The following TMEM94 variants were observed in gnomAD, a reference collection of about 807,000 sequenced individuals.
TMEM94 encodes the protein transmembrane protein 94.
A neutral mutation model predicts 158.6 loss-of-function variants in TMEM94; 81 were observed. The ratio of observed to expected loss-of-function variants is 0.51; its 90% CI spans 0.43 to 0.61. The LOEUF is 0.61. Ranked by LOEUF, TMEM94 falls within the 20% of genes least tolerant of loss-of-function variation. The pLI, the probability that TMEM94 is intolerant of heterozygous loss-of-function variation, is 0.00. For synonymous variants in TMEM94, 751 were observed against 730.7 expected, an observed-to-expected ratio of 1.03 and a Z score of -0.45; for missense variants, 1,435 against 1,762.0, an observed-to-expected ratio of 0.81 and a Z score of 3.32.
rs2052568015 is a variant in TMEM94 at position 75,495,198 on chromosome 17, G to A, written c.2729-86G>A. On this transcript the variant is annotated intron_variant, in intron 20 of 31. Coordinates refer to ENST00000314256, the MANE Select transcript of TMEM94 (RefSeq NM_014738.6). This position sits in a 1 kb window ranked among gnomAD's most constrained non-coding sequence, Gnocchi z 5.6. ...AAACAGTAGTCAGCAGGAAGGAGTG[G>A]ACACAGGCAAAAAATTCTCTGCAGG... 7 of 1,402,506 alleles carry A rather than the reference G, an allele frequency of 5.0e-6. No homozygotes were observed. Among genetic ancestry groups the A allele is most frequent in the South Asian group, 2.7e-5 (2 of 74,668 alleles). 86.9% of individuals were successfully genotyped at this position (1,402,506 alleles called of 1,614,324 possible).
In TMEM94 at chr17:75,491,667, G is replaced by A; in HGVS notation, c.1387-24G>A. 1.2e-6 allele frequency: 2 copies of A among 1,612,144 alleles called. No individual in the cohort carries two copies. The highest frequency in any genetic ancestry group is 1.7e-6 in the Non-Finnish European group (2 of 1,178,572). ...CAGGCCATGGGAGCCACTGGTCCTA[G>A]CCTGTGCTCCTCATTCTCTTCAGCC... On this transcript the variant is annotated intron_variant, in intron 13 of 31. Transcript: ENST00000314256. The surrounding 1 kb of genome is among the most constrained non-coding windows in gnomAD (Gnocchi z 5.1).
At chr17:75,497,329 G>A (rs555883165) in intron 26 of TMEM94, 131 bp downstream of exon 26, 367 of 637,152 alleles carry the variant, frequency 5.8e-4, no homozygotes, top group African/African-American at 5.4e-3. Flanking sequence ...GAGGCATGGA[G>A]GGAACCCCCT....
intron 2 of TMEM94, among the ~76,000 whole-genome samples, chr17:75,479,805 C>T (rs2146402232): frequency 6.6e-6 from 1 of 152,292 alleles, no homozygotes; most frequent in South Asian, 2.1e-4. Flanking sequence ...ATAGTCCTAG[C>T]TAGTTGGAAG....
intron 2 of TMEM94, among the ~76,000 whole-genome samples, chr17:75,483,447 CA>C (rs959165324): frequency 2.9e-4 from 44 of 151,114 alleles, no homozygotes; most frequent in African/African-American, 1.1e-3. Flanking sequence ...GTGGCAAGTT[CA>C]AGTTTTTTTC....
At chr17:75,473,439 G>A (rs1456516347) in intron 2 of TMEM94, among the ~76,000 whole-genome samples, 1 of 152,204 alleles carries the variant, frequency 6.6e-6, no homozygotes, top group Non-Finnish European at 1.5e-5. Flanking sequence ...CTGCTGTTAT[G>A]CAATGCGGTG....
chr17:75,479,840 C>G (rs1407661324), intron 2 of TMEM94, among the ~76,000 whole-genome samples: 1 of 152,134 alleles, frequency 6.6e-6, no homozygotes, highest in Non-Finnish European at 1.5e-5. Context: ...ATTACCTGAG[C>G]CTGGGAAGTC....
At chr17:75,468,577 T>C (rs1339074729) in intron 1 of TMEM94, among the ~76,000 whole-genome samples, 1 of 152,198 alleles carries the variant, frequency 6.6e-6, no homozygotes, top group Non-Finnish European at 1.5e-5. Flanking sequence ...GACCAAAGAC[T>C]GAATGTCACT....
Position 75,485,635 on chromosome 17 carries a change from T to C in TMEM94, c.144+88T>C. ...CTTCTCAGGACTCTGATGTACCCTG[T>C]CACCCTGGACAGTGTGACCCAACTG... On this transcript the variant is annotated intron_variant, in intron 3 of 31. Coordinates refer to ENST00000314256, the MANE Select transcript of TMEM94 (RefSeq NM_014738.6). This position sits in a 1 kb window ranked among gnomAD's most constrained non-coding sequence, Gnocchi z 5.5. 1 of 1,570,254 alleles carries C rather than the reference T, an allele frequency of 6.4e-7. No homozygotes were observed. The highest frequency in any genetic ancestry group is 8.7e-7 in the Non-Finnish European group (1 of 1,145,660).
chr17:75,461,093 C>CTTTTT (rs59878082), intron 1 of TMEM94, among the ~76,000 whole-genome samples: 14 of 69,664 alleles, frequency 2.0e-4, no homozygotes, highest in South Asian at 6.9e-4. Context: ...TTGCGATTGG[C>CTTTTT]TTTTTTTTTT....
Position 75,463,122 on chromosome 17 carries a change from ATATACGTG to A in TMEM94, c.-107+6376_-107+6383del, listed in dbSNP as rs2050161849. On this transcript the variant is annotated intron_variant, in intron 1 of 31. Coordinates refer to ENST00000314256, the MANE Select transcript of TMEM94 (RefSeq NM_014738.6). ...TATATGTGTGTATATATATGTATAT[ATATACGTG>A]TATATATGTATATATATACACGTAT... 9.0e-4 allele frequency among the ~76,000 whole-genome samples: 4 copies of A among 4,430 alleles called. 1 individual carries two copies. Among genetic ancestry groups the A allele is most frequent in the Non-Finnish European group, 2.4e-3 (3 of 1,266 alleles). The allele number at this position is 4,430 out of a possible 152,430, so 2.9% of individuals were successfully genotyped here.
At chr17:75,478,397 G>A (rs1446241979) in intron 2 of TMEM94, among the ~76,000 whole-genome samples, 2 of 151,960 alleles carry the variant, frequency 1.3e-5, no homozygotes, top group Non-Finnish European at 2.9e-5. Flanking sequence ...CAGGGCCTGG[G>A]GCTTGAGGGT....
At chr17:75,474,064 G>A (rs1004700004) in intron 2 of TMEM94, among the ~76,000 whole-genome samples, 1 of 152,172 alleles carries the variant, frequency 6.6e-6, no homozygotes, top group Non-Finnish European at 1.5e-5. Context: ...GCAGTGAGCA[G>A]ATTGCACTAC....
chr17:75,478,003 CTTTTTTTTTT>C (rs909668190), intron 2 of TMEM94, among the ~76,000 whole-genome samples: 120 of 57,896 alleles, frequency 2.1e-3, no homozygotes, highest in African/African-American at 0.011. Flanking sequence ...GAGACTCCAT[CTTTTTTTTTT>C]TTTTTTTTTT....
At chr17:75,464,336 T>G (rs7406977) in intron 1 of TMEM94, among the ~76,000 whole-genome samples, 97,132 of 151,808 alleles carry the variant, frequency 0.64, 34,540 homozygotes, top group Non-Finnish European at 0.81. Flanking sequence ...AAAAAAAAAT[T>G]GTCAGGCATA....
chr17:75,464,581 T>C (rs1420032404), intron 1 of TMEM94, among the ~76,000 whole-genome samples: 3 of 134,426 alleles, frequency 2.2e-5, no homozygotes. Flanking sequence ...CTGTGTATTT[T>C]TTCATTTTCT....
Position 75,494,972 on chromosome 17 carries a change from G to A in TMEM94, c.2666G>A (p.Gly889Asp). 1 of 1,613,398 alleles carries A rather than the reference G, an allele frequency of 6.2e-7. No individual in the cohort carries two copies. The highest frequency in any genetic ancestry group is 8.5e-7 in the Non-Finnish European group (1 of 1,180,000). The change falls in exon 20 of 32, where the codon GGC becomes GAC. Residue 889 changes from glycine (G) to aspartate (D), a missense_variant. Physicochemically the swap from Gly to Asp is moderately conservative, Grantham distance 94 (BLOSUM62 -1). Transcript: ENST00000314256. ...CTCACACCCAATGGTGACATGCCTG[G>A]CTCCGAGATCCCCCCCTCCAGCCCC... ...ISLTPNGDMP[G>D]SEIPPSSPSH... is the part of the protein sequence containing the mutation.
At position 75,498,080 on chromosome 17, in the gene TMEM94, A is replaced by T; in HGVS notation, c.3490-95A>T. On this transcript the variant is annotated intron_variant, in intron 27 of 31. Coordinates refer to ENST00000314256, the MANE Select transcript of TMEM94 (RefSeq NM_014738.6). The surrounding 1 kb of genome is among the most constrained non-coding windows in gnomAD (Gnocchi z 6.7). ...TGAGCTCCCTATCCCCCCAGGCCTG[A>T]CCATTTACTAAGAGCCCGTTGAATA... The T allele has an allele frequency of 6.5e-7, 1 of 1,530,042 alleles. No homozygotes were observed. The highest frequency in any genetic ancestry group is 8.9e-7 in the Non-Finnish European group (1 of 1,120,678). The allele number at this position is 1,530,042 out of a possible 1,614,324, so 94.8% of individuals were successfully genotyped here.
chr17:75,488,773 C>T lies in TMEM94; in HGVS notation c.627C>T (p.Ile209=), dbSNP rs752084669. Residue 209 remains isoleucine, a synonymous_variant, in exon 7 of 32, where the codon ATC becomes ATT. Coordinates refer to ENST00000314256, the MANE Select transcript of TMEM94 (RefSeq NM_014738.6). ...SLRGIKDDEH[I]VLEPGDLFPP... is the part of the protein sequence containing the mutation. ...GCTGCCGGCAGGATGACGAGCACATCGTCCTGGAGCCGGGAGACCTCTTCC... is the reference window on the plus strand; with the variant it reads ...GCTGCCGGCAGGATGACGAGCACATTGTCCTGGAGCCGGGAGACCTCTTCC... The T allele has an allele frequency of 2.7e-5, 44 of 1,613,768 alleles. No individual in the cohort carries two copies. The highest frequency in any genetic ancestry group is 2.4e-4 in the South Asian group (22 of 91,020).
At chr17:75,468,662 G>A (rs1009568957) in intron 1 of TMEM94, among the ~76,000 whole-genome samples, 10 of 152,218 alleles carry the variant, frequency 6.6e-5, no homozygotes, top group African/African-American at 1.9e-4. Flanking sequence ...AAAGGCAGGG[G>A]TGGAAGAGAC....
Sources: gnomAD v4.1 joint callset for allele counts (sites outside exome capture counted in the v4.1 genomes callset) on GRCh38, gnomAD v4.1.1 for gene constraint, Gnocchi (gnomAD v3.1) non-coding constraint, MANE v1.5 for transcripts, NCBI Gene and HGNC (gene_info 2026-07-23, HGNC 2026-07-21) for gene names.